The following GOLPH3L variants were observed in gnomAD, a reference collection of about 807,000 sequenced individuals.
GOLPH3L encodes the protein golgi phosphoprotein 3 like.
Under a neutral mutation model 30.3 loss-of-function variants are expected in GOLPH3L, and 22 were observed. The observed-to-expected ratio is 0.73, with a 90% CI of 0.52 to 1.04. GOLPH3L has a LOEUF of 1.04. Among genes scored for constraint, GOLPH3L ranks in the 50% least tolerant of loss-of-function variants. The pLI, the probability that GOLPH3L is intolerant of heterozygous loss-of-function variation, is 0.00. For missense variants in GOLPH3L, 303 were observed against 345.8 expected, an observed-to-expected ratio of 0.88 and a Z score of 0.98; for synonymous variants, 120 against 128.2, an observed-to-expected ratio of 0.94 and a Z score of 0.43.
rs1379319666 is a variant in GOLPH3L at position 150,647,684 on chromosome 1, G to A, written c.*637C>T. The A allele has an allele frequency of 6.6e-6, 1 of 152,612 alleles. No individual in the cohort carries two copies. Among genetic ancestry groups the A allele is most frequent in the African/African-American group, 2.4e-5 (1 of 41,428 alleles). The allele number at this position is 152,612 out of a possible 1,614,324, so 9.5% of individuals were successfully genotyped here. On this transcript the variant is annotated 3_prime_UTR_variant, in exon 5 of 5. Transcript: ENST00000271732. The stretch of plus-strand genomic sequence containing the variant: ...GAGGGAGCAAGAGAATGCTAAGAGG[G>A]ATGAGAGAATATATTTCTGGCTCTA...
chr1:150,692,730 G>T (rs1651241648), intron 2 of GOLPH3L, among the ~76,000 whole-genome samples: 1 of 152,084 alleles, frequency 6.6e-6, no homozygotes, highest in Admixed American at 6.6e-5. Context: ...AATATGTTAA[G>T]TACTCACCAT....
rs151307247 is a variant in GOLPH3L, at chr1:150,648,331, T to C, written c.848A>G (p.Asn283Ser). ...EMIWAVLAAF[N>S]KS ...ATCCACCTGCCGGCTTTAAGATTTA[T>C]TGAAGGCTGCCAGCACAGCCCAGAT... Residue 283 changes from asparagine (N) to serine (S), a missense_variant, in exon 5 of 5, where the codon AAT (asparagine) becomes AGT (serine). Physicochemically the swap from Asn to Ser is conservative, Grantham distance 46 (BLOSUM62 1). Coordinates refer to ENST00000271732, the MANE Select transcript of GOLPH3L (RefSeq NM_018178.6). 2 of 1,592,894 alleles carry C rather than the reference T, an allele frequency of 1.3e-6. No homozygotes were observed. Among genetic ancestry groups the C allele is most frequent in the Non-Finnish European group, 1.7e-6 (2 of 1,167,134 alleles).
intron 4 of GOLPH3L, among the ~76,000 whole-genome samples, chr1:150,659,738 A>G (rs1001222044): frequency 3.9e-5 from 6 of 152,108 alleles, no homozygotes; most frequent in Admixed American, 3.9e-4. Context: ...CAGAATATAT[A>G]TAAAGAACCT....
intron 2 of GOLPH3L, among the ~76,000 whole-genome samples, chr1:150,693,277 A>G (rs909869647): frequency 6.6e-6 from 1 of 152,236 alleles, no homozygotes; most frequent in Non-Finnish European, 1.5e-5. Context: ...GGCAAAATCT[A>G]AACAACAATG....
intron 2 of GOLPH3L, among the ~76,000 whole-genome samples, chr1:150,693,840 T>A (rs12731712): frequency 8.8e-5 from 7 of 79,188 alleles, no homozygotes; most frequent in Admixed American, 1.9e-4. Flanking sequence ...TATATATATA[T>A]ATATATATTT....
intron 2 of GOLPH3L, among the ~76,000 whole-genome samples, chr1:150,681,267 A>G (rs1039753185): frequency 6.6e-6 from 1 of 152,258 alleles, no homozygotes. Context: ...CATATAGCTG[A>G]TAAGTGGTAG....
At chr1:150,685,226 C>G (rs1012197270) in intron 2 of GOLPH3L, among the ~76,000 whole-genome samples, 5 of 152,012 alleles carry the variant, frequency 3.3e-5, no homozygotes, top group Admixed American at 1.3e-4. Context: ...AGTATTTTCC[C>G]TTTTTCTGAC....
intron 1 of GOLPH3L, among the ~76,000 whole-genome samples, chr1:150,695,199 C>T (rs587766124): frequency 7.2e-5 from 11 of 152,120 alleles, no homozygotes; most frequent in Middle Eastern, 3.4e-3. Flanking sequence ...TGCAGTGGTG[C>T]GATGTTGGCT....
chr1:150,656,345 T>C (rs995750443), intron 4 of GOLPH3L, among the ~76,000 whole-genome samples: 3 of 152,068 alleles, frequency 2.0e-5, no homozygotes, highest in Admixed American at 6.6e-5. Context: ...TTTCAAAAAT[T>C]ACTAGGGGAC....
intron 2 of GOLPH3L, among the ~76,000 whole-genome samples, chr1:150,664,730 G>A (rs1650454803): frequency 6.6e-6 from 1 of 152,160 alleles, no homozygotes; most frequent in Admixed American, 6.5e-5. Context: ...GGGAATACAG[G>A]AGTGAGCCAC....
chr1:150,669,171 A>C (rs1237681343), intron 2 of GOLPH3L, among the ~76,000 whole-genome samples: 6 of 152,314 alleles, frequency 3.9e-5, no homozygotes, highest in Admixed American at 3.3e-4. Flanking sequence ...TTATAAAACA[A>C]ACACCTGTAT....
chr1:150,695,994 G>T (rs1651344416), intron 1 of GOLPH3L, among the ~76,000 whole-genome samples: 2 of 151,954 alleles, frequency 1.3e-5, no homozygotes, highest in Non-Finnish European at 2.9e-5. Flanking sequence ...TTTATAGTTA[G>T]CATACTTTAT....
chr1:150,687,914 A>C (rs1478026142), intron 2 of GOLPH3L, among the ~76,000 whole-genome samples: 1 of 152,250 alleles, frequency 6.6e-6, no homozygotes, highest in Non-Finnish European at 1.5e-5. Context: ...ATGAAATATT[A>C]ATCAGGATGA....
Position 150,683,674 on chromosome 1 carries a change from T to C in GOLPH3L, c.183+10982A>G, listed in dbSNP as rs1453630260. On this transcript the variant is annotated intron_variant, in intron 2 of 4. Transcript: ENST00000271732. ...AAGATCACGCTGCTGCACTCCAGCT[T>C]GGGTGACAGAGCGAGACTCTCTCTC... 6.2e-5 allele frequency among the ~76,000 whole-genome samples: 7 copies of C among 112,352 alleles called. No individual in the cohort carries two copies. The East Asian group carries it at 2.1e-3, about 34-fold the overall frequency. 73.7% of individuals were successfully genotyped at this position (112,352 alleles called of 152,430 possible).
At chr1:150,674,455 G>T (rs1571047201) in intron 2 of GOLPH3L, among the ~76,000 whole-genome samples, 1 of 152,038 alleles carries the variant, frequency 6.6e-6, no homozygotes, top group Non-Finnish European at 1.5e-5. Flanking sequence ...TACAGACAGG[G>T]TTTCACCATG....
intron 3 of GOLPH3L, among the ~76,000 whole-genome samples, chr1:150,662,805 CAA>C (rs1446438254): frequency 2.0e-5 from 3 of 152,028 alleles, no homozygotes; most frequent in Non-Finnish European, 2.9e-5. Context: ...AAAAATAAAT[CAA>C]AGACTGAAAA....
chr1:150,663,518 G>T, intron 3 of GOLPH3L, 114 bp downstream of exon 3: 2 of 940,192 alleles, frequency 2.1e-6, no homozygotes, highest in Non-Finnish European at 3.2e-6. Context: ...CAATGGAACT[G>T]CTGAGTCAGT....
intron 1 of GOLPH3L, among the ~76,000 whole-genome samples, chr1:150,695,608 C>T (rs1651333978): frequency 6.6e-6 from 1 of 152,006 alleles, no homozygotes; most frequent in Admixed American, 6.6e-5. Flanking sequence ...ATAAACGTTC[C>T]ATGGTACTAC....
At chr1:150,696,641 A>G (rs1216788910) in intron 1 of GOLPH3L, among the ~76,000 whole-genome samples, 1 of 152,178 alleles carries the variant, frequency 6.6e-6, no homozygotes, top group East Asian at 1.9e-4. Flanking sequence ...GGTATATTTC[A>G]AATATAATTT....
Sources: allele counts gnomAD v4.1 joint callset (sites outside exome capture counted in the v4.1 genomes callset), GRCh38; gene constraint gnomAD v4.1.1; transcripts MANE v1.5; gene names NCBI Gene and HGNC (gene_info 2026-07-23, HGNC 2026-07-21).